Variants in EPHA6 observed in about 807,000 individuals in gnomAD.
The protein encoded by EPHA6 is EPH receptor A6, also known as ephrin type-A receptor 6.
EPHA6 carries 50 observed loss-of-function variants against 112.0 expected under a neutral mutation model. That is an observed-to-expected ratio of 0.45 (90% CI 0.36 to 0.56). The LOEUF (loss-of-function observed/expected upper bound fraction) is 0.56. Ranked by LOEUF, EPHA6 falls within the 20% of genes least tolerant of loss-of-function variation. The pLI, the probability that EPHA6 is intolerant of heterozygous loss-of-function variation, is 0.00. For synonymous variants in EPHA6, 529 were observed against 490.7 expected, an observed-to-expected ratio of 1.08 and a Z score of -1.03; for missense variants, 1,280 against 1,417.4, an observed-to-expected ratio of 0.90 and a Z score of 1.56.
chr3:96,905,894 A>G (rs967846983), intron 2 of EPHA6, among the ~76,000 whole-genome samples: 2 of 152,074 alleles, frequency 1.3e-5, no homozygotes, highest in Non-Finnish European at 2.9e-5. Context: ...TCTTAAATTG[A>G]AATAACATTG....
At chr3:97,414,051 C>T (rs1466775693) in intron 6 of EPHA6, among the ~76,000 whole-genome samples, 3 of 151,904 alleles carry the variant, frequency 2.0e-5, no homozygotes, top group Admixed American at 6.6e-5. Context: ...AACATACTTA[C>T]CAAATCATAC....
At chr3:97,567,264 C>T (rs908031726) in intron 11 of EPHA6, among the ~76,000 whole-genome samples, 2 of 152,064 alleles carry the variant, frequency 1.3e-5, no homozygotes, top group Admixed American at 6.6e-5. Flanking sequence ...TCATTGCAAT[C>T]CTATGAATGA....
chr3:97,509,494 A>T (rs1036672578), intron 10 of EPHA6, among the ~76,000 whole-genome samples: 5 of 152,088 alleles, frequency 3.3e-5, no homozygotes, highest in Admixed American at 2.0e-4. Context: ...TCATTTATTT[A>T]AGAATGTTGA....
intron 10 of EPHA6, among the ~76,000 whole-genome samples, chr3:97,499,149 C>G (rs2092055895): frequency 6.6e-6 from 1 of 152,164 alleles, no homozygotes; most frequent in Non-Finnish European, 1.5e-5. Context: ...CTTTACTCCC[C>G]ATCCAACCTC....
At chr3:97,559,941 A>G (rs2093166101) in intron 11 of EPHA6, among the ~76,000 whole-genome samples, 1 of 151,996 alleles carries the variant, frequency 6.6e-6, no homozygotes, top group Non-Finnish European at 1.5e-5. Context: ...CAGAAAATGT[A>G]AGAAAACCCC....
intron 6 of EPHA6, among the ~76,000 whole-genome samples, chr3:97,421,929 T>C (rs1350738339): frequency 6.6e-6 from 1 of 151,796 alleles, no homozygotes; most frequent in Non-Finnish European, 1.5e-5. Flanking sequence ...AAAAAGAAAC[T>C]AGATTCCCAC....
chr3:97,671,847 CA>C (rs2030872589), intron 14 of EPHA6, among the ~76,000 whole-genome samples: 1 of 151,726 alleles, frequency 6.6e-6, no homozygotes, highest in Non-Finnish European at 1.5e-5. Flanking sequence ...AAAAAAAAAG[CA>C]GAAATAGAAG....
chr3:97,600,734 A>G (rs185139702), intron 12 of EPHA6, among the ~76,000 whole-genome samples: 1 of 152,106 alleles, frequency 6.6e-6, no homozygotes, highest in East Asian at 1.9e-4. Context: ...AAAGAATTCA[A>G]TGTTCTATAT....
chr3:96,979,621 G>T (rs568024302), intron 2 of EPHA6, among the ~76,000 whole-genome samples: 4 of 152,134 alleles, frequency 2.6e-5, no homozygotes, highest in Non-Finnish European at 5.9e-5. Flanking sequence ...TTGAGGGATC[G>T]CCACACTGTC....
At chr3:97,669,908 C>A (rs1464114070) in intron 14 of EPHA6, among the ~76,000 whole-genome samples, 1 of 152,152 alleles carries the variant, frequency 6.6e-6, no homozygotes, top group Non-Finnish European at 1.5e-5. Flanking sequence ...AGGCCCTCAG[C>A]CTCTTCTGCC....
chr3:97,300,850 AGTT>A (rs1219681371), intron 5 of EPHA6, among the ~76,000 whole-genome samples: 1 of 152,136 alleles, frequency 6.6e-6, no homozygotes, highest in Non-Finnish European at 1.5e-5. Context: ...AAAAAGTAGT[AGTT>A]CTATCTCTGC....
intron 3 of EPHA6, among the ~76,000 whole-genome samples, chr3:97,214,424 G>A: frequency 6.9e-6 from 1 of 144,204 alleles, no homozygotes; most frequent in Non-Finnish European, 1.5e-5. Flanking sequence ...ACGCCCAACA[G>A]AAAAGCGTGG....
intron 11 of EPHA6, among the ~76,000 whole-genome samples, chr3:97,549,300 G>A (rs1396559990): frequency 1.3e-5 from 2 of 152,030 alleles, no homozygotes; most frequent in African/African-American, 4.8e-5. Flanking sequence ...CCCTAAATGT[G>A]CAAAATCCAC....
At chr3:97,602,755 T>A (rs777549761) in intron 12 of EPHA6, among the ~76,000 whole-genome samples, 1 of 152,104 alleles carries the variant, frequency 6.6e-6, no homozygotes, top group Non-Finnish European at 1.5e-5. Context: ...CTTACCTACC[T>A]GCTGATTTAG....
chr3:97,696,179 T>A (rs2033028873), intron 14 of EPHA6, among the ~76,000 whole-genome samples: 1 of 152,210 alleles, frequency 6.6e-6, no homozygotes, highest in South Asian at 2.1e-4. Flanking sequence ...CACGGTCTCA[T>A]GAGCTAGTCA....
At chr3:97,320,792 A>G (rs1317584115) in intron 5 of EPHA6, among the ~76,000 whole-genome samples, 3 of 144,278 alleles carry the variant, frequency 2.1e-5, no homozygotes, top group East Asian at 2.0e-4. Context: ...CTTATTTACT[A>G]CATCGTTCTG....
At chr3:96,985,729 T>C (rs2042997735) in intron 2 of EPHA6, among the ~76,000 whole-genome samples, 1 of 152,198 alleles carries the variant, frequency 6.6e-6, no homozygotes, top group Non-Finnish European at 1.5e-5. Flanking sequence ...AAAGATTGTG[T>C]TAAGTTTGCA....
intron 3 of EPHA6, among the ~76,000 whole-genome samples, chr3:97,054,959 C>A (rs1024945366): frequency 6.6e-6 from 1 of 151,962 alleles, no homozygotes; most frequent in African/African-American, 2.4e-5. Flanking sequence ...TTAAAAATTT[C>A]CCCCCTTTGG....
intron 10 of EPHA6, among the ~76,000 whole-genome samples, chr3:97,489,555 G>A (rs778301368): frequency 4.0e-5 from 6 of 151,590 alleles, no homozygotes; most frequent in East Asian, 1.9e-4. Context: ...GCGTTGTGGC[G>A]GGTGCCTGTA....
Sources: gnomAD v4.1 joint callset for allele counts (sites outside exome capture counted in the v4.1 genomes callset) on GRCh38, gnomAD v4.1.1 for gene constraint, MANE v1.5 for transcripts, NCBI Gene and HGNC (gene_info 2026-07-23, HGNC 2026-07-21) for gene names.